The following MCUB variants were observed in gnomAD, a reference collection of about 807,000 sequenced individuals.
MCUB encodes the protein mitochondrial calcium uniporter dominant negative subunit beta, also known as calcium uniporter regulatory subunit MCUb, mitochondrial.
Under a neutral mutation model 41.4 loss-of-function variants are expected in MCUB, and 46 were observed. The observed-to-expected ratio is 1.11, with a 90% CI of 0.88 to 1.42. The LOEUF (loss-of-function observed/expected upper bound fraction) is 1.42, where lower values mean the gene tolerates loss of function less well. Ranked by LOEUF, MCUB falls within the 40% of genes most tolerant of loss-of-function variation. The probability of loss-of-function intolerance (pLI) is 0.00; values close to 1 mark genes in which losing one functional copy is unlikely to be tolerated. For missense variants in MCUB, 403 were observed against 404.9 expected, an observed-to-expected ratio of 1.00 and a Z score of 0.04; for synonymous variants, 148 against 148.2, an observed-to-expected ratio of 1.00 and a Z score of 0.01.
chr4:109,592,419 A>C (rs1727459342), intron 1 of MCUB, among the ~76,000 whole-genome samples: 1 of 152,018 alleles, frequency 6.6e-6, no homozygotes, highest in Non-Finnish European at 1.5e-5. Context: ...CAAAAAAAAA[A>C]AAATTATATG....
intron 1 of MCUB, among the ~76,000 whole-genome samples, chr4:109,646,923 CAAAA>C (rs1272766955): frequency 6.6e-6 from 1 of 152,092 alleles, no homozygotes; most frequent in African/African-American, 2.4e-5. Flanking sequence ...ATGTATCTAT[CAAAA>C]AAATAACTCA....
At chr4:109,566,819 T>C (rs538448861) in intron 1 of MCUB, among the ~76,000 whole-genome samples, 590 of 152,324 alleles carry the variant, frequency 3.9e-3, no homozygotes, top group Middle Eastern at 0.01. Context: ...ATTGCTAGCT[T>C]AACACCAACC....
intron 4 of MCUB, among the ~76,000 whole-genome samples, chr4:109,670,504 G>T (rs1729431166): frequency 6.6e-6 from 1 of 152,090 alleles, no homozygotes; most frequent in Non-Finnish European, 1.5e-5. Flanking sequence ...GGATCACTGG[G>T]TCAGGAGTTT....
rs533696097 is a variant in MCUB at position 109,644,413 on chromosome 4, G to T, written c.100-14598G>T. Among the ~76,000 whole-genome samples the T allele has an allele frequency of 1.4e-4, 22 of 152,238 alleles. No individual in the cohort carries two copies. In the South Asian group the frequency reaches 4.6e-3, roughly 32 times the overall value. On this transcript the variant is annotated intron_variant, in intron 1 of 7. Transcript: ENST00000394650. The stretch of plus-strand genomic sequence containing the variant: ...CTCACGTTGTCATAGTCAACTAAAG[G>T]CTGATTGCTAACATTTTCTAAACAT...
intron 1 of MCUB, among the ~76,000 whole-genome samples, chr4:109,643,007 C>T (rs1728755127): frequency 6.7e-6 from 1 of 148,788 alleles, no homozygotes; most frequent in Non-Finnish European, 1.5e-5. Context: ...GTTGGCCAGG[C>T]TTGTCTCAAA....
At chr4:109,602,670 G>A (rs1359781708) in intron 1 of MCUB, among the ~76,000 whole-genome samples, 1 of 152,116 alleles carries the variant, frequency 6.6e-6, no homozygotes, top group Non-Finnish European at 1.5e-5. Flanking sequence ...TTTTGCTTAG[G>A]ATAGTTTTGG....
intron 1 of MCUB, among the ~76,000 whole-genome samples, chr4:109,613,141 A>G (rs1200738839): frequency 6.6e-6 from 1 of 152,304 alleles, no homozygotes; most frequent in East Asian, 1.9e-4. Context: ...ATTAAAAAAT[A>G]TATCAGCCCA....
chr4:109,598,244 G>A lies in MCUB; in HGVS notation c.99+37808G>A, dbSNP rs568174580. The stretch of plus-strand genomic sequence containing the variant: ...GGCACTTTGGGAGGCCAAGGCAGGC[G>A]GCTGGGAGGTGGAGGTTGTAGCGAG... On this transcript the variant is annotated intron_variant, in intron 1 of 7. Transcript: ENST00000394650. Among the ~76,000 whole-genome samples, 898 of 151,432 alleles carry A rather than the reference G, an allele frequency of 5.9e-3. 8 individuals are homozygous for A. The highest frequency in any genetic ancestry group is 0.02 in the African/African-American group (847 of 41,320).
chr4:109,675,613 ACTT>A (rs1348590317), intron 4 of MCUB, among the ~76,000 whole-genome samples: 1 of 152,206 alleles, frequency 6.6e-6, no homozygotes, highest in East Asian at 1.9e-4. Flanking sequence ...GCAGTGCTGT[ACTT>A]TGAGTATGTT....
At chr4:109,675,619 A>C (rs1230825385) in intron 4 of MCUB, among the ~76,000 whole-genome samples, 1 of 152,154 alleles carries the variant, frequency 6.6e-6, no homozygotes, top group African/African-American at 2.4e-5. Flanking sequence ...CTGTACTTTG[A>C]GTATGTTTCC....
At chr4:109,649,647 T>G (rs1342920366) in intron 1 of MCUB, among the ~76,000 whole-genome samples, 1 of 152,104 alleles carries the variant, frequency 6.6e-6, no homozygotes, top group Non-Finnish European at 1.5e-5. Flanking sequence ...TTTTCAGGCA[T>G]TATAAGAATT....
At chr4:109,596,489 G>T (rs1325618076) in intron 1 of MCUB, among the ~76,000 whole-genome samples, 1 of 151,538 alleles carries the variant, frequency 6.6e-6, no homozygotes, top group East Asian at 2.0e-4. Context: ...AGTAGACACA[G>T]TGCCCTTCTT....
chr4:109,633,320 T>C (rs1481697292), intron 1 of MCUB, among the ~76,000 whole-genome samples: 1 of 151,954 alleles, frequency 6.6e-6, no homozygotes, highest in Non-Finnish European at 1.5e-5. Context: ...CGGGCTGGAG[T>C]GCAGTGGCGC....
chr4:109,572,998 T>C (rs1351421405), intron 1 of MCUB, among the ~76,000 whole-genome samples: 1 of 152,176 alleles, frequency 6.6e-6, no homozygotes. Context: ...ATTACTGATA[T>C]AAACATATTA....
At chr4:109,685,416 TAGTATC>T in intron 7 of MCUB, 49 bp downstream of exon 7, 1 of 782,254 alleles carries the variant, frequency 1.3e-6, no homozygotes, top group Middle Eastern at 2.6e-4. Flanking sequence ...AGCCAGAACT[TAGTATC>T]AGGGAAGTAT....
chr4:109,625,454 A>G (rs7699284), intron 1 of MCUB, among the ~76,000 whole-genome samples: 18,565 of 152,272 alleles, frequency 0.12, 1,439 homozygotes, highest in South Asian at 0.21. Context: ...TACATGAGAT[A>G]TATTCAACAC....
chr4:109,606,746 G>A (rs1727880297), intron 1 of MCUB, among the ~76,000 whole-genome samples: 1 of 152,016 alleles, frequency 6.6e-6, no homozygotes, highest in Non-Finnish European at 1.5e-5. Context: ...AGTTATCATA[G>A]TTCTTTTTTG....
chr4:109,677,922 G>T (rs1211433589), intron 4 of MCUB, among the ~76,000 whole-genome samples: 1 of 148,774 alleles, frequency 6.7e-6, no homozygotes, highest in East Asian at 2.0e-4. Context: ...AGATAAACAC[G>T]TGAACAAAGG....
intron 1 of MCUB, among the ~76,000 whole-genome samples, chr4:109,639,109 CTT>C (rs1728662420): frequency 6.6e-6 from 1 of 152,110 alleles, no homozygotes; most frequent in African/African-American, 2.4e-5. Flanking sequence ...ATGGTGAACC[CTT>C]TCTAGAAAGG....
Sources: gnomAD v4.1 joint callset for allele counts (sites outside exome capture counted in the v4.1 genomes callset) on GRCh38, gnomAD v4.1.1 for gene constraint, MANE v1.5 for transcripts, NCBI Gene and HGNC (gene_info 2026-07-23, HGNC 2026-07-21) for gene names.